Variants in PARD3B observed in about 807,000 individuals in gnomAD.
PARD3B encodes par-3 family cell polarity regulator beta.
PARD3B carries 103 observed loss-of-function variants against 130.2 expected under a neutral mutation model. That is an observed-to-expected ratio of 0.79 (90% CI 0.67 to 0.93). PARD3B has a LOEUF of 0.93. PARD3B is among the 40% of genes least tolerant of loss of function. The pLI is 0.00. For synonymous variants in PARD3B, 583 were observed against 553.2 expected (o/e 1.05, Z -0.76); for missense variants, 1,609 against 1,499.2 (o/e 1.07, Z -1.21).
intron 2 of PARD3B, among the ~76,000 whole-genome samples, chr2:204,802,653 A>G (rs2042613528): frequency 6.6e-6 from 1 of 152,194 alleles, no homozygotes; most frequent in Non-Finnish European, 1.5e-5. Context: ...ATAGACTACT[A>G]TGCAGCTGTA....
At chr2:204,676,429 G>A (rs116327087) in intron 1 of PARD3B, among the ~76,000 whole-genome samples, 2 of 151,896 alleles carry the variant, frequency 1.3e-5, no homozygotes, top group South Asian at 2.1e-4. Context: ...CAGAATTGCC[G>A]AATCTATTAT....
At chr2:204,927,591 G>T (rs1020019461) in intron 2 of PARD3B, among the ~76,000 whole-genome samples, 7 of 152,148 alleles carry the variant, frequency 4.6e-5, no homozygotes, top group African/African-American at 1.7e-4. Flanking sequence ...TACTTTGGCT[G>T]CTTTGGATTA....
intron 2 of PARD3B, among the ~76,000 whole-genome samples, chr2:204,806,061 C>G (rs2042758044): frequency 6.6e-6 from 1 of 151,968 alleles, no homozygotes; most frequent in African/African-American, 2.4e-5. Context: ...TACGTTCTGC[C>G]CAAAGCAAAC....
intron 18 of PARD3B, among the ~76,000 whole-genome samples, chr2:205,398,308 A>AAAAGAAAG (rs34799255): frequency 6.6e-6 from 1 of 151,722 alleles, no homozygotes; most frequent in African/African-American, 2.4e-5. Context: ...TCTCAACAAA[A>AAAAGAAAG]AAAGAAAGAA....
Position 205,585,294 on chromosome 2 carries a change from C to T in PARD3B, c.3261-30162C>T, listed in dbSNP as rs1320475382. Among the ~76,000 whole-genome samples the T allele has an allele frequency of 6.6e-6, 1 of 152,176 alleles. No homozygotes were observed. The highest frequency in any genetic ancestry group is 2.4e-5 in the African/African-American group (1 of 41,450). The stretch of plus-strand genomic sequence containing the variant: ...GGGCTTTTAAGTGAATTGGGGCTAA[C>T]AAAATCCACACTGTCAACCTGAGTA... On this transcript the variant is annotated intron_variant, in intron 22 of 22. Transcript: ENST00000406610. This position sits in a 1 kb window ranked among gnomAD's most constrained non-coding sequence, Gnocchi z 5.4.
chr2:205,118,907 A>T lies in PARD3B; in HGVS notation c.681-14A>T. On this transcript the variant is annotated splice_polypyrimidine_tract_variant and intron_variant, in intron 6 of 22. Coordinates refer to ENST00000406610, the MANE Select transcript of PARD3B (RefSeq NM_001302769.2). ...TATTCAGTAATTATATTTCAATCTA[A>T]ATTTTGCATTTAGGATTCTAGGACT... The T allele has an allele frequency of 6.5e-7, 1 of 1,539,846 alleles. No individual in the cohort carries two copies. Among genetic ancestry groups the T allele is most frequent in the Non-Finnish European group, 8.8e-7 (1 of 1,137,304 alleles).
intron 18 of PARD3B, among the ~76,000 whole-genome samples, chr2:205,391,154 G>A (rs2105978041): frequency 6.6e-6 from 1 of 152,288 alleles, no homozygotes; most frequent in Non-Finnish European, 1.5e-5. Context: ...GTTCAGCAGT[G>A]AAGTATGGTT....
At position 205,104,468 on chromosome 2, in the gene PARD3B, G is replaced by A. The variant is rs771564394; in HGVS notation, c.547G>A (p.Val183Ile). ...NLEDREVLNG[V>I]QTELLTSPRT... is the part of the protein sequence containing the mutation. ...GGAAGACAGAGAAGTTTTGAATGGT[G>A]TACAGACAGAACTACTAACTTCGCC... The change falls in exon 5 of 23, where the codon GTA becomes ATA. Residue 183 changes from valine (V) to isoleucine (I), a missense_variant. Val to Ile is a conservative substitution (Grantham distance 29). Coordinates refer to ENST00000406610, the MANE Select transcript of PARD3B (RefSeq NM_001302769.2). 4.4e-6 allele frequency: 7 copies of A among 1,603,254 alleles called. No individual in the cohort carries two copies. In the South Asian group the frequency reaches 6.6e-5, roughly 15 times the overall value.
At chr2:204,553,667 TA>T (rs2030679239) in intron 1 of PARD3B, among the ~76,000 whole-genome samples, 2 of 32,324 alleles carry the variant, frequency 6.2e-5, no homozygotes, top group Non-Finnish European at 2.1e-4. Flanking sequence ...TATATATATA[TA>T]TATATATATA....
chr2:204,686,637 G>A (rs889901852), intron 2 of PARD3B, among the ~76,000 whole-genome samples: 4 of 152,148 alleles, frequency 2.6e-5, no homozygotes, highest in Admixed American at 2.0e-4. Context: ...TGCCTGAGGC[G>A]TGAATGTGTT....
intron 2 of PARD3B, among the ~76,000 whole-genome samples, chr2:204,944,735 G>T (rs1214276024): frequency 6.6e-6 from 1 of 152,074 alleles, no homozygotes; most frequent in Non-Finnish European, 1.5e-5. Context: ...TGCTATTTTG[G>T]TTGCCGACGG....
chr2:205,118,324 G>T (rs754630128), intron 6 of PARD3B, among the ~76,000 whole-genome samples: 1 of 152,040 alleles, frequency 6.6e-6, no homozygotes, highest in Non-Finnish European at 1.5e-5. Context: ...AAATTACCTG[G>T]TCCTGGTCCT....
chr2:205,320,175 AAG>A (rs56949957), intron 18 of PARD3B, among the ~76,000 whole-genome samples: 1 of 126,548 alleles, frequency 7.9e-6, no homozygotes, highest in East Asian at 2.5e-4. Flanking sequence ...GAAAGAAAGA[AAG>A]AGAGAGAGAG....
At chr2:204,631,851 A>G (rs1422551026) in intron 1 of PARD3B, among the ~76,000 whole-genome samples, 1 of 151,964 alleles carries the variant, frequency 6.6e-6, no homozygotes, top group Non-Finnish European at 1.5e-5. Context: ...TATTTCTCCT[A>G]TGTTTATGAA....
chr2:205,054,620 G>T (rs531991023), intron 4 of PARD3B, among the ~76,000 whole-genome samples: 1 of 150,536 alleles, frequency 6.6e-6, no homozygotes, highest in East Asian at 2.0e-4. Context: ...AACAGGCCCC[G>T]GTGTGTGGTG....
intron 21 of PARD3B, among the ~76,000 whole-genome samples, chr2:205,524,023 T>C (rs1405159280): frequency 6.6e-6 from 1 of 152,074 alleles, no homozygotes; most frequent in African/African-American, 2.4e-5. Context: ...TCCTGAAAAT[T>C]CTATTATCTT....
intron 3 of PARD3B, among the ~76,000 whole-genome samples, chr2:205,038,982 G>C (rs1698198781): frequency 6.6e-6 from 1 of 152,048 alleles, no homozygotes; most frequent in Non-Finnish European, 1.5e-5. Context: ...TCACAGGCCA[G>C]GCACCAAACC....
chr2:205,582,575 A>T (rs1559239833), intron 22 of PARD3B, among the ~76,000 whole-genome samples: 3 of 152,152 alleles, frequency 2.0e-5, no homozygotes, highest in South Asian at 2.1e-4. Context: ...AATTTTTTTT[A>T]AATTCTCTAG....
At chr2:205,074,025 T>A (rs931724804) in intron 4 of PARD3B, among the ~76,000 whole-genome samples, 1 of 152,198 alleles carries the variant, frequency 6.6e-6, no homozygotes, top group African/African-American at 2.4e-5. Flanking sequence ...GTAAGGCTGT[T>A]GTATGACTAA....
Sources: gnomAD v4.1 joint callset for allele counts (sites outside exome capture counted in the v4.1 genomes callset) on GRCh38, gnomAD v4.1.1 for gene constraint, Gnocchi (gnomAD v3.1) non-coding constraint, MANE v1.5 for transcripts, NCBI Gene and HGNC (gene_info 2026-07-23, HGNC 2026-07-21) for gene names.